The following IRAK1BP1 variants were observed in gnomAD, a reference collection of about 807,000 sequenced individuals.
IRAK1BP1 encodes the protein interleukin-1 receptor-associated kinase 1-binding protein 1.
In IRAK1BP1, 24 loss-of-function variants were observed where a neutral mutation model predicts 28.0. That is an observed-to-expected ratio of 0.86 (90% CI 0.62 to 1.20). IRAK1BP1 has a LOEUF of 1.20. IRAK1BP1 is among the 50% of genes most tolerant of loss of function. The probability of loss-of-function intolerance (pLI) is 0.00; values close to 1 mark genes in which losing one functional copy is unlikely to be tolerated. For synonymous variants in IRAK1BP1, 131 were observed against 116.3 expected, an observed-to-expected ratio of 1.13 and a Z score of -0.81; for missense variants, 336 against 316.7, an observed-to-expected ratio of 1.06 and a Z score of -0.46.
intron 2 of IRAK1BP1, among the ~76,000 whole-genome samples, chr6:78,891,085 C>A (rs1266249858): frequency 6.6e-6 from 1 of 152,104 alleles, no homozygotes; most frequent in East Asian, 1.9e-4. Flanking sequence ...TAAAGGAACT[C>A]ATAGATTACC....
chr6:78,888,552 C>A (rs1349131105), intron 2 of IRAK1BP1, among the ~76,000 whole-genome samples: 1 of 148,664 alleles, frequency 6.7e-6, no homozygotes, highest in African/African-American at 2.5e-5. Flanking sequence ...GAGTCTCACT[C>A]TGTCACCCAG....
intron 4 of IRAK1BP1, among the ~76,000 whole-genome samples, chr6:78,922,507 T>C (rs1466819138): frequency 6.6e-6 from 1 of 152,170 alleles, no homozygotes; most frequent in Non-Finnish European, 1.5e-5. Context: ...TTGCAGGATA[T>C]TATCCAGGAG....
At chr6:78,948,255 TAAA>T (rs1354984322), downstream of IRAK1BP1, among the ~76,000 whole-genome samples, 1 of 152,134 alleles carries the variant, frequency 6.6e-6, no homozygotes, top group African/African-American at 2.4e-5. Context: ...ACTTCAGTAC[TAAA>T]ATTGGGAGTT....
chr6:78,956,377 C>T, the IRAK1BP1 span: 1 of 152,052 alleles, frequency 6.6e-6, no homozygotes, highest in Admixed American at 6.6e-5. Context: ...TAAATTAAGC[C>T]CTCATCAACT....
At chr6:78,881,986 C>T (rs1771245997) in intron 1 of IRAK1BP1, among the ~76,000 whole-genome samples, 1 of 151,974 alleles carries the variant, frequency 6.6e-6, no homozygotes, top group South Asian at 2.1e-4. Flanking sequence ...GAAAATTTTA[C>T]ATGTAAGTTA....
rs1015150050 is a variant in IRAK1BP1 at position 78,900,648 on chromosome 6, C to G, written c.*2314C>G. The G allele has an allele frequency of 1.3e-5, 2 of 152,160 alleles. No individual in the cohort carries two copies. The highest frequency in any genetic ancestry group is 4.8e-5 in the African/African-American group (2 of 41,422). The allele number at this position is 152,160 out of a possible 1,614,324, so 9.4% of individuals were successfully genotyped here. A position where few individuals can be genotyped will look rare whatever the true frequency, so the allele number is the denominator to read the frequency against. On this transcript the variant is annotated 3_prime_UTR_variant, in exon 4 of 4. Transcript: ENST00000369940. ...AGTCTCAGGGCCAATATCAAGTATG[C>G]TCTCAAATATTTGCTGGGAAAATTT... is the stretch of plus-strand genomic sequence containing the variant.
At chr6:78,935,204 A>AT (rs1175753758) in intron 4 of IRAK1BP1, among the ~76,000 whole-genome samples, 4 of 152,000 alleles carry the variant, frequency 2.6e-5, no homozygotes, top group African/African-American at 4.8e-5. Context: ...GTTATCAGGA[A>AT]TTTTTTTTAC....
At chr6:78,890,920 C>G (rs1156437515) in intron 2 of IRAK1BP1, among the ~76,000 whole-genome samples, 1 of 152,132 alleles carries the variant, frequency 6.6e-6, no homozygotes, top group Non-Finnish European at 1.5e-5. Flanking sequence ...AACATCACTC[C>G]TGCATACAAG....
chr6:78,953,457 G>T, the IRAK1BP1 span, among the ~76,000 whole-genome samples: 1 of 152,170 alleles, frequency 6.6e-6, no homozygotes, highest in South Asian at 2.1e-4. Flanking sequence ...TTTTTCAAAA[G>T]AATACATAGC....
chr6:78,910,509 A>G (rs1772375603), intron 4 of IRAK1BP1, among the ~76,000 whole-genome samples: 1 of 152,276 alleles, frequency 6.6e-6, no homozygotes, highest in African/African-American at 2.4e-5. Flanking sequence ...TAGAAACAAT[A>G]GTTACTGTTT....
In IRAK1BP1 at chr6:78,903,069, A is replaced by G; in HGVS notation, c.*4735A>G. 1 of 1,531,680 alleles carries G rather than the reference A, an allele frequency of 6.5e-7. No homozygotes were observed. Among genetic ancestry groups the G allele is most frequent in the Non-Finnish European group, 8.7e-7 (1 of 1,142,960 alleles). The allele number at this position is 1,531,680 out of a possible 1,614,324, so 94.9% of individuals were successfully genotyped here. The stretch of plus-strand genomic sequence containing the variant: ...CCATGTCACCTGTGAATTATCATGA[A>G]TCCCACATCAAATGAACAAATACTG... On this transcript the variant is annotated 3_prime_UTR_variant, in exon 4 of 4. Transcript: ENST00000369940.
intron 1 of IRAK1BP1, among the ~76,000 whole-genome samples, chr6:78,879,432 GAA>G (rs1302577564): frequency 6.6e-6 from 1 of 152,020 alleles, no homozygotes; most frequent in Non-Finnish European, 1.5e-5. Flanking sequence ...TTTTCAGAGA[GAA>G]AAACAATAGA....
At chr6:78,935,440 CCAT>C in intron 4 of IRAK1BP1, 1 of 910,884 alleles carries the variant, frequency 1.1e-6, no homozygotes, top group Non-Finnish European at 1.3e-6. Flanking sequence ...AACCTTCTTT[CCAT>C]CATTCCTTTT....
At chr6:78,945,551 GA>G in exon 5 of IRAK1BP1, 1 of 1,096,626 alleles carries the variant, frequency 9.1e-7, no homozygotes, top group Non-Finnish European at 1.4e-6. Context: ...CTAAAGATAA[GA>G]AAAAAGGTTA....
exon 5 of IRAK1BP1, chr6:78,945,565 C>G (rs1773767585): frequency 4.0e-6 from 4 of 993,240 alleles, no homozygotes; most frequent in Non-Finnish European, 6.1e-6. Flanking sequence ...AAAGGTTAAC[C>G]TGAATTATTT....
Position 78,902,867 on chromosome 6 carries a change from C to A in IRAK1BP1, c.*4533C>A. 1.6e-6 allele frequency: 1 copy of A among 615,558 alleles called. No individual in the cohort carries two copies. The highest frequency in any genetic ancestry group is 2.0e-5 in the South Asian group (1 of 49,258). The allele number at this position is 615,558 out of a possible 1,614,324, so 38.1% of individuals were successfully genotyped here. On this transcript the variant is annotated 3_prime_UTR_variant, in exon 4 of 4. Transcript: ENST00000369940. ...AGACTGTAGTTCACAGTGGGTAATT[C>A]AAATCAGACACTGCTCTTCAAGAGA...
intron 4 of IRAK1BP1, among the ~76,000 whole-genome samples, chr6:78,933,621 A>G (rs919686341): frequency 6.6e-6 from 1 of 152,152 alleles, no homozygotes; most frequent in Admixed American, 6.5e-5. Flanking sequence ...GTCTCAAACA[A>G]AAACAAAAAC....
intron 1 of IRAK1BP1, chr6:78,871,232 G>A (rs1425268136): frequency 1.0e-6 from 1 of 981,456 alleles, no homozygotes; most frequent in East Asian, 1.1e-4. Context: ...CCAACTGTAG[G>A]CATAAAATGA....
Position 78,940,658 on chromosome 6 carries a change from T to C in IRAK1BP1, c.*68-4750T>C, listed in dbSNP as rs564300933. On this transcript the variant is annotated intron_variant and NMD_transcript_variant, in intron 4 of 4. Coordinates refer to the IRAK1BP1 transcript ENST00000606868. ...CTACTTATTCCTTAACTGTACCTGC[T>C]TTATAGATTTTGAAGTAAAATATTT... 20 of 1,419,442 alleles carry C rather than the reference T, an allele frequency of 1.4e-5. No homozygotes were observed. The East Asian group carries it at 3.3e-4, about 23-fold the overall frequency. The allele number at this position is 1,419,442 out of a possible 1,614,324, so 87.9% of individuals were successfully genotyped here.
Sources: gnomAD v4.1 joint callset for allele counts (sites outside exome capture counted in the v4.1 genomes callset) on GRCh38, gnomAD v4.1.1 for gene constraint, MANE v1.5 for transcripts, NCBI Gene and HGNC (gene_info 2026-07-23, HGNC 2026-07-21) for gene names.